TMLHE: variants seen among roughly 807,000 people sequenced by gnomAD.
The protein encoded by TMLHE is trimethyllysine hydroxylase, epsilon, also known as trimethyllysine dioxygenase, mitochondrial.
A neutral mutation model predicts 25.7 loss-of-function variants in TMLHE; 18 were observed. That is an observed-to-expected ratio of 0.70 (90% CI 0.48 to 1.04). The LOEUF (loss-of-function observed/expected upper bound fraction) is 1.04, where lower values mean the gene tolerates loss of function less well. TMLHE is among the 50% of genes least tolerant of loss of function. The pLI, the probability that TMLHE is intolerant of heterozygous loss-of-function variation, is 0.00. For missense variants in TMLHE, 236 were observed against 259.0 expected, an observed-to-expected ratio of 0.91 and a Z score of 0.61; for synonymous variants, 105 against 97.0, an observed-to-expected ratio of 1.08 and a Z score of -0.49.
chrX:155,530,913 C>A (rs2067246012), intron 2 of TMLHE, among the ~76,000 whole-genome samples: 1 of 112,259 alleles, frequency 8.9e-6, no homozygotes, highest in South Asian at 3.7e-4. Flanking sequence ...ATGCATAAAA[C>A]CCCCATGCAT....
At chrX:155,556,926 C>G (rs1462080034) in intron 1 of TMLHE, among the ~76,000 whole-genome samples, 1 of 111,967 alleles carries the variant, frequency 8.9e-6, no homozygotes, top group Non-Finnish European at 1.9e-5. Flanking sequence ...AAGAATTCAG[C>G]GATATTTCTC....
intron 2 of TMLHE, among the ~76,000 whole-genome samples, chrX:155,527,373 C>A (rs1458040136): frequency 4.5e-5 from 5 of 111,745 alleles, no homozygotes; most frequent in African/African-American, 1.6e-4. Flanking sequence ...TTACCTTCTA[C>A]CAAGATTGTA....
intron 1 of TMLHE, among the ~76,000 whole-genome samples, chrX:155,548,091 C>T (rs2067367026): frequency 9.0e-6 from 1 of 111,690 alleles, no homozygotes; most frequent in African/African-American, 3.3e-5. Context: ...ACAAAAAATA[C>T]AATCTAAGTG....
At chrX:155,548,535 G>GTCAGGAGTTCGAGA (rs1491301815) in intron 1 of TMLHE, among the ~76,000 whole-genome samples, 1 of 109,143 alleles carries the variant, frequency 9.2e-6, no homozygotes, top group Non-Finnish European at 1.9e-5. Context: ...GCAGTATGAG[G>GTCAGGAGTTCGAGA]CCAGCCTGAC....
At chrX:155,546,852 C>T (rs1047831987) in intron 1 of TMLHE, among the ~76,000 whole-genome samples, 3 of 110,828 alleles carry the variant, frequency 2.7e-5, no homozygotes, top group Middle Eastern at 4.6e-3. Flanking sequence ...GCAATCTGTG[C>T]CCCACAAACT....
At chrX:155,557,762 A>T (rs1208470615) in intron 1 of TMLHE, among the ~76,000 whole-genome samples, 1 of 111,342 alleles carries the variant, frequency 9.0e-6, no homozygotes, top group African/African-American at 3.3e-5. Context: ...TTCTAGTCTC[A>T]TTCAACCAGT....
intron 1 of TMLHE, among the ~76,000 whole-genome samples, chrX:155,563,232 G>T (rs1197944071): frequency 1.6e-5 from 1 of 62,749 alleles, no homozygotes; most frequent in Non-Finnish European, 4.5e-5. Context: ...GTTCTGCATG[G>T]CTGCAAGGCC....
At chrX:155,508,925 G>A (rs1482210032) in intron 5 of TMLHE, among the ~76,000 whole-genome samples, 1 of 110,628 alleles carries the variant, frequency 9.0e-6, no homozygotes, top group Non-Finnish European at 1.9e-5. Flanking sequence ...GTAGCTAAAC[G>A]GAGATAGAGT....
chrX:155,539,344 C>G (rs186713708), intron 2 of TMLHE, among the ~76,000 whole-genome samples: 1 of 111,478 alleles, frequency 9.0e-6, no homozygotes, highest in Non-Finnish European at 1.9e-5. Flanking sequence ...CACAGACAGA[C>G]ATTATGTGGA....
At chrX:155,586,563 A>G (rs2124480086) in intron 1 of TMLHE, among the ~76,000 whole-genome samples, 1 of 112,004 alleles carries the variant, frequency 8.9e-6, no homozygotes, top group South Asian at 3.7e-4. Context: ...AAATACAAAG[A>G]TCAACAAAAT....
intron 1 of TMLHE, among the ~76,000 whole-genome samples, chrX:155,596,931 G>C (rs1321012595): frequency 3.7e-5 from 4 of 109,091 alleles, no homozygotes; most frequent in Non-Finnish European, 7.6e-5. Flanking sequence ...ATAATGTGCA[G>C]GTTTGTTACA....
chrX:155,516,813 CTTCTT>C (rs1272274604), intron 3 of TMLHE, among the ~76,000 whole-genome samples: 119 of 53,096 alleles, frequency 2.2e-3, no homozygotes, highest in African/African-American at 7.1e-3. Flanking sequence ...GCATAAATGT[CTTCTT>C]TTGAGAAGTG....
At chrX:155,513,512 T>C (rs782148668) in intron 4 of TMLHE, among the ~76,000 whole-genome samples, 1 of 111,202 alleles carries the variant, frequency 9.0e-6, no homozygotes, top group East Asian at 2.8e-4. Flanking sequence ...TTTAAGGCAG[T>C]GTTATTAACA....
intron 2 of TMLHE, among the ~76,000 whole-genome samples, chrX:155,524,972 GA>G (rs2067210419): frequency 8.9e-6 from 1 of 111,908 alleles, no homozygotes; most frequent in Admixed American, 9.5e-5. Context: ...TAGAACTTGG[GA>G]AAAGATAAAT....
At chrX:155,609,177 G>A (rs1557348110) in intron 1 of TMLHE, among the ~76,000 whole-genome samples, 5 of 112,066 alleles carry the variant, frequency 4.5e-5, no homozygotes, top group Admixed American at 2.8e-4. Context: ...AGAAAATTTG[G>A]TACATATACA....
chrX:155,548,542 TG>T (rs2067380075), intron 1 of TMLHE, among the ~76,000 whole-genome samples: 10 of 108,882 alleles, frequency 9.2e-5, no homozygotes, highest in Non-Finnish European at 1.9e-4. Flanking sequence ...GAGGCCAGCC[TG>T]ACTAACATGG....
At chrX:155,558,471 T>C (rs1342560992) in intron 1 of TMLHE, among the ~76,000 whole-genome samples, 1 of 112,085 alleles carries the variant, frequency 8.9e-6, no homozygotes, top group African/African-American at 3.2e-5. Context: ...TAGGAAGGCC[T>C]ATCTGTCTCA....
At chrX:155,549,170 G>A (rs936480432) in intron 1 of TMLHE, among the ~76,000 whole-genome samples, 1 of 110,933 alleles carries the variant, frequency 9.0e-6, no homozygotes, top group African/African-American at 3.3e-5. Context: ...TTCTATATAA[G>A]GAATGTCATA....
chrX:155,535,579 C>G (rs1230210780), intron 2 of TMLHE, among the ~76,000 whole-genome samples: 1 of 112,269 alleles, frequency 8.9e-6, no homozygotes, highest in Non-Finnish European at 1.9e-5. Flanking sequence ...AAAACACATT[C>G]AGTCCATAGC....
Sources: gnomAD v4.1 joint callset for allele counts (sites outside exome capture counted in the v4.1 genomes callset) on GRCh38, gnomAD v4.1.1 for gene constraint, MANE v1.5 for transcripts, NCBI Gene and HGNC (gene_info 2026-07-23, HGNC 2026-07-21) for gene names.